Variants in MYBPC1 observed in about 807,000 individuals in gnomAD.
MYBPC1 encodes the protein myosin-binding protein C, slow-type.
Under a neutral mutation model 147.1 loss-of-function variants are expected in MYBPC1, and 52 were observed. That is an observed-to-expected ratio of 0.35 (90% CI 0.28 to 0.45). The LOEUF (loss-of-function observed/expected upper bound fraction) is 0.45, where lower values mean the gene tolerates loss of function less well. MYBPC1 is among the 20% of genes least tolerant of loss of function. MYBPC1 has a pLI of 1.00. For missense variants in MYBPC1, 1,228 were observed against 1,440.3 expected, an observed-to-expected ratio of 0.85 and a Z score of 2.39; for synonymous variants, 477 against 475.9, an observed-to-expected ratio of 1.00 and a Z score of -0.03.
intron 1 of MYBPC1, among the ~76,000 whole-genome samples, chr12:101,611,902 C>A (rs968064090): frequency 6.6e-6 from 1 of 151,886 alleles, no homozygotes; most frequent in Non-Finnish European, 1.5e-5. Flanking sequence ...CATGGTGAAA[C>A]CCTGTCTCTA....
rs201472372 is a variant in MYBPC1 at position 101,595,087 on chromosome 12, A to T, written c.17A>T (p.Lys6Met). 149 of 1,612,964 alleles carry T rather than the reference A, an allele frequency of 9.2e-5. 2 individuals are homozygous for T. In the East Asian group the frequency reaches 3.0e-3, roughly 33 times the overall value. ...ATTGTGGCCATGCCAGAACCCACTA[A>T]GAAAGAGGGTAAGACTTATCTAGAA... The part of the protein sequence containing the change: MPEPT[K>M]KEENEVPAPA... Residue 6 changes from lysine to methionine, a missense_variant, in exon 1 of 32, where the codon AAG (lysine) becomes ATG (methionine). Physicochemically the swap from Lys to Met is moderately conservative, Grantham distance 95 (BLOSUM62 -1). Around this residue, in one of 2 missense-constraint regions of MYBPC1, gnomAD observed 151 missense variants for 126.1 expected, o/e 1.20. Transcript: ENST00000361466.
intron 18 of MYBPC1, among the ~76,000 whole-genome samples, chr12:101,658,748 G>A (rs1896030563): frequency 6.6e-6 from 1 of 152,126 alleles, no homozygotes; most frequent in South Asian, 2.1e-4. Context: ...GCTGATATGA[G>A]GAAATTTTGT....
rs914130181 is a variant in MYBPC1 at position 101,622,581 on chromosome 12, A to C, written c.104-4291A>C. On this transcript the variant is annotated intron_variant, in intron 3 of 31. Coordinates refer to ENST00000361466, the MANE Select transcript of MYBPC1 (RefSeq NM_002465.4). ...GAAACCCCATCTCCAATAAAAATAC[A>C]AAAATTAGCCAGGCATGGTGACAAA... Among the ~76,000 whole-genome samples the C allele has an allele frequency of 9.2e-5, 14 of 152,170 alleles. No individual in the cohort carries two copies. In the East Asian group the frequency reaches 2.3e-3, roughly 25 times the overall value.
chr12:101,657,866 A>T (rs536662034), intron 18 of MYBPC1, among the ~76,000 whole-genome samples: 1 of 152,298 alleles, frequency 6.6e-6, no homozygotes, highest in South Asian at 2.1e-4. Context: ...TCAGACCAAT[A>T]TCTCTCATAA....
chr12:101,644,543 AT>A, intron 11 of MYBPC1, 120 bp from the exon 12 acceptor site: 1 of 935,616 alleles, frequency 1.1e-6, no homozygotes, highest in Non-Finnish European at 1.7e-6. Context: ...AAGGTTTCTG[AT>A]TTTTTTCTTG....
At chr12:101,638,079 T>C (rs917497265) in intron 10 of MYBPC1, among the ~76,000 whole-genome samples, 1 of 152,158 alleles carries the variant, frequency 6.6e-6, no homozygotes, top group African/African-American at 2.4e-5. Context: ...CAAACCCAAG[T>C]TTCCCTTTTA....
At chr12:101,595,820 C>T (rs1410303858) in intron 1 of MYBPC1, among the ~76,000 whole-genome samples, 1 of 151,926 alleles carries the variant, frequency 6.6e-6, no homozygotes, top group Non-Finnish European at 1.5e-5. Flanking sequence ...GAAATGTTTT[C>T]CCTAACAAAG....
intron 2 of MYBPC1, among the ~76,000 whole-genome samples, chr12:101,615,663 C>CT (rs1491023522): frequency 6.4e-5 from 2 of 31,332 alleles, no homozygotes; most frequent in African/African-American, 6.6e-4. Context: ...GAACCCCCCG[C>CT]CCCCCCCCCG....
At chr12:101,651,185 T>C in intron 15 of MYBPC1, 46 bp from the exon 16 acceptor site, 2 of 1,609,462 alleles carry the variant, frequency 1.2e-6, no homozygotes, top group Non-Finnish European at 1.7e-6. Context: ...TCTTGGCCTG[T>C]TGGGAGTTTG....
At chr12:101,676,120 C>T (rs374294443) in intron 26 of MYBPC1, among the ~76,000 whole-genome samples, 1 of 152,004 alleles carries the variant, frequency 6.6e-6, no homozygotes, top group East Asian at 1.9e-4. Context: ...CTATCGTTAG[C>T]GTTAGTCTAT....
Position 101,669,699 on chromosome 12 carries a change from G to A in MYBPC1, c.2525-622G>A, listed in dbSNP as rs549431719. On this transcript the variant is annotated intron_variant, in intron 23 of 31. Transcript: ENST00000361466. ...TGCCGGTAATCCCAGCACTTTGGGA[G>A]ACTAAGGCAGGTGGATCACCTGAGG... 5.3e-5 allele frequency among the ~76,000 whole-genome samples: 8 copies of A among 152,274 alleles called. No homozygotes were observed. In the South Asian group the frequency reaches 1.7e-3, roughly 32 times the overall value.
chr12:101,668,670 G>A (rs535585650), intron 23 of MYBPC1, among the ~76,000 whole-genome samples: 2 of 152,144 alleles, frequency 1.3e-5, no homozygotes, highest in Admixed American at 6.5e-5. Context: ...TCACCATGTT[G>A]GTCAGGCTGG....
In MYBPC1 at chr12:101,616,814, T is replaced by A. The variant is rs115101032; in HGVS notation, c.62-388T>A. On this transcript the variant is annotated intron_variant, in intron 2 of 31. Transcript: ENST00000361466. ...AGTCCAAACTCTTGGAATCATTACA[T>A]GGGGCAAACTGACTTTTCTTTAAAA... 5.6e-3 allele frequency among the ~76,000 whole-genome samples: 849 copies of A among 152,320 alleles called. 7 individuals are homozygous for A. Among genetic ancestry groups the A allele is most frequent in the African/African-American group, 0.02 (814 of 41,566 alleles).
intron 1 of MYBPC1, among the ~76,000 whole-genome samples, chr12:101,611,107 A>C (rs546690999): frequency 1.3e-4 from 20 of 152,310 alleles, no homozygotes; most frequent in Non-Finnish European, 2.5e-4. Context: ...TGTAATTTTG[A>C]GAAGAAAAAG....
At chr12:101,664,944 T>G (rs1296770954) in intron 22 of MYBPC1, among the ~76,000 whole-genome samples, 1 of 152,222 alleles carries the variant, frequency 6.6e-6, no homozygotes, top group African/African-American at 2.4e-5. Context: ...TCTGTTTTTT[T>G]GTATTGTCCA....
chr12:101,641,115 GAAAAAAAAA>G (rs34380289), intron 10 of MYBPC1, among the ~76,000 whole-genome samples: 216 of 105,964 alleles, frequency 2.0e-3, no homozygotes, highest in Middle Eastern at 4.8e-3. Context: ...CTGTCTCAAA[GAAAAAAAAA>G]AAAAAAAAAA....
At chr12:101,623,512 A>G (rs933833254) in intron 3 of MYBPC1, among the ~76,000 whole-genome samples, 14 of 152,320 alleles carry the variant, frequency 9.2e-5, no homozygotes, top group African/African-American at 3.1e-4. Context: ...TACTCTTCTC[A>G]TTTTGTGTTC....
intron 29 of MYBPC1, among the ~76,000 whole-genome samples, chr12:101,681,586 A>ATT (rs1950985749): frequency 3.9e-5 from 1 of 25,646 alleles, no homozygotes; most frequent in African/African-American, 2.5e-4. Context: ...ATATATATAT[A>ATT]TATATATTTT....
At chr12:101,611,926 A>C (rs966571356) in intron 1 of MYBPC1, among the ~76,000 whole-genome samples, 1 of 151,902 alleles carries the variant, frequency 6.6e-6, no homozygotes, top group Non-Finnish European at 1.5e-5. Context: ...AAAATACAAA[A>C]ATTAGCTGGA....
Sources: allele counts gnomAD v4.1 joint callset (sites outside exome capture counted in the v4.1 genomes callset), GRCh38; gene constraint gnomAD v4.1.1; regional missense constraint gnomAD v4.1.1; transcripts MANE v1.5; gene names NCBI Gene and HGNC (gene_info 2026-07-23, HGNC 2026-07-21).